The following ENTPD8 variants were observed in gnomAD, a reference collection of about 807,000 sequenced individuals.
ENTPD8 encodes ectonucleoside triphosphate diphosphohydrolase 8, also known as E-NTPDase 8.
In ENTPD8, 35 loss-of-function variants were observed where a neutral mutation model predicts 47.0. The ratio of observed to expected loss-of-function variants is 0.75; its 90% confidence interval spans 0.57 to 0.99. ENTPD8 has a LOEUF of 0.99. Among genes scored for constraint, ENTPD8 ranks in the 50% least tolerant of loss-of-function variants. The probability of loss-of-function intolerance (pLI) is 0.00; values close to 1 mark genes in which losing one functional copy is unlikely to be tolerated. For missense variants in ENTPD8, 668 were observed against 649.9 expected (o/e 1.03, Z -0.30); for synonymous variants, 308 against 290.5 (o/e 1.06, Z -0.61).
chr9:137,435,219 G>C lies in ENTPD8; in HGVS notation c.1281C>G (p.Leu427=), dbSNP rs144921257. The change falls in exon 9 of 10, where the codon CTC becomes CTG. Residue 427 remains leucine (L), a synonymous_variant. Coordinates refer to ENST00000371506, the MANE Select transcript of ENTPD8 (RefSeq NM_001033113.2). ...AGGCAGTCACCTGCTTTCGGAACTC[G>C]AGGCTGGGCCAGGTCTCCTCGCTGA... ...YGFSEETWPS[L]EFRKQAGGVD... 3 of 1,611,478 alleles carry C rather than the reference G, an allele frequency of 1.9e-6. No individual in the cohort carries two copies. Among genetic ancestry groups the C allele is most frequent in the East Asian group, 4.5e-5 (2 of 44,874 alleles).
In ENTPD8 at chr9:137,434,748, A is replaced by C; in HGVS notation, c.*166T>G. On this transcript the variant is annotated 3_prime_UTR_variant, in exon 10 of 10. Transcript: ENST00000371506. ...GGGACGCCGGGAGGGGAGGTCATGC[A>C]GCCTCTGTGGCCAGCACCACCCTGA... 1.1e-6 allele frequency: 1 copy of C among 884,298 alleles called. No individual in the cohort carries two copies. The highest frequency in any genetic ancestry group is 1.7e-6 in the Non-Finnish European group (1 of 602,902). 54.8% of individuals were successfully genotyped at this position (884,298 alleles called of 1,614,324 possible). A position where few individuals can be genotyped will look rare whatever the true frequency, so the allele number is the denominator to read the frequency against.
rs546943049 is a variant in ENTPD8 at position 137,435,007 on chromosome 9, G to A, written c.1395C>T (p.Tyr465=). ...ACACCACTTTGGCCACCCAGACGCC[G>A]TAGCTCTCTGCCCGCCACTGAGCCG... ...DAPAQWRAES[Y]GVWVAKVVFM... Residue 465 remains tyrosine, a synonymous_variant, in exon 10 of 10, where the codon TAC becomes TAT. Coordinates refer to ENST00000371506, the MANE Select transcript of ENTPD8 (RefSeq NM_001033113.2). 2.3e-5 allele frequency: 37 copies of A among 1,611,876 alleles called. No homozygotes were observed. Among genetic ancestry groups the A allele is most frequent in the Non-Finnish European group, 2.5e-5 (30 of 1,179,620 alleles).
chr9:137,437,748 C>G (rs975882751), intron 3 of ENTPD8, among the ~76,000 whole-genome samples: 4 of 144,958 alleles, frequency 2.8e-5, no homozygotes, highest in Non-Finnish European at 5.9e-5. Flanking sequence ...GCTGGGCAGA[C>G]CCAGGCCAGG....
rs144056206 is a variant in ENTPD8 at position 137,436,114 on chromosome 9, C to T, written c.949G>A (p.Val317Ile). Reference protein sequence around the residue: ...VEGTGNPGACVSAIRELFNFS... With the variant: ...VEGTGNPGACISAIRELFNFS... Reference sequence around the variant, plus strand: ...TTGAAAAGTTCCCGGATGGCTGAGACGCAGGCTCCAGGGTTGCCTGTCCCT... The same window carrying T: ...TTGAAAAGTTCCCGGATGGCTGAGATGCAGGCTCCAGGGTTGCCTGTCCCT... The change falls in exon 7 of 10, where the codon GTC becomes ATC. Residue 317 changes from valine (V) to isoleucine (I), a missense_variant. Transcript: ENST00000371506. 779 of 1,612,900 alleles carry T rather than the reference C, an allele frequency of 4.8e-4. No homozygotes were observed. The highest frequency in any genetic ancestry group is 6.1e-4 in the Non-Finnish European group (715 of 1,180,008).
In ENTPD8 at chr9:137,436,045, C is replaced by A. The variant is rs59249347; in HGVS notation, c.1018G>T (p.Val340Phe). The A allele has an allele frequency of 6.2e-7, 1 of 1,612,762 alleles. No homozygotes were observed. The highest frequency in any genetic ancestry group is 2.2e-5 in the East Asian group (1 of 44,900). The change falls in exon 7 of 10, where the codon GTC (valine) becomes TTC (phenylalanine). Residue 340 changes from valine to phenylalanine, a missense_variant. Coordinates refer to ENST00000371506, the MANE Select transcript of ENTPD8 (RefSeq NM_001033113.2). Reference sequence around the variant, plus strand: ...TGGCCCCGCAGCGGGGGCTGGTAGACCCCGTCAAAGGCGCAGTCCTCCTGG... The same window carrying A: ...TGGCCCCGCAGCGGGGGCTGGTAGAACCCGTCAAAGGCGCAGTCCTCCTGG... ...QGQEDCAFDG[V>F]YQPPLRGQFY...
chr9:137,435,147 C>T (rs372533240), intron 9 of ENTPD8, 42 bp from the exon 10 acceptor site: 38 of 1,602,196 alleles, frequency 2.4e-5, no homozygotes, highest in South Asian at 5.5e-5. Context: ...GGCAGCTACC[C>T]CAGGACCACG....
Position 137,437,145 on chromosome 9 carries a change from C to T in ENTPD8, c.395+14G>A. ...AGCCACTCCCCGTGGGTGCCAAGGC[C>T]ATGCCTGCCTCACCTGAGCAACCTC... On this transcript the variant is annotated intron_variant, in intron 4 of 9. Transcript: ENST00000371506. The T allele has an allele frequency of 6.2e-7, 1 of 1,611,512 alleles. No homozygotes were observed. The highest frequency in any genetic ancestry group is 8.5e-7 in the Non-Finnish European group (1 of 1,179,420).
At position 137,438,112 on chromosome 9, in the gene ENTPD8, G is replaced by C. The variant is rs375173244; in HGVS notation, c.127-28C>G. On this transcript the variant is annotated intron_variant, in intron 2 of 9. Transcript: ENST00000371506. This position sits in a 1 kb window ranked among gnomAD's most constrained non-coding sequence, Gnocchi z 5.7. ...GGGGAGACAGTGGGATGAGTGGGAGGCAACACCTGTGGACCCGGCCCGGCC... is the reference window on the plus strand; with the variant it reads ...GGGGAGACAGTGGGATGAGTGGGAGCCAACACCTGTGGACCCGGCCCGGCC... The C allele has an allele frequency of 6.6e-5, 107 of 1,611,734 alleles. No individual in the cohort carries two copies. The highest frequency in any genetic ancestry group is 8.8e-5 in the Non-Finnish European group (104 of 1,179,206).
Position 137,438,308 on chromosome 9 carries a change from G to A in ENTPD8, c.-20-3C>T. On this transcript the variant is annotated splice_region_variant and splice_polypyrimidine_tract_variant and intron_variant, in intron 1 of 9. Coordinates refer to ENST00000371506, the MANE Select transcript of ENTPD8 (RefSeq NM_001033113.2). This position sits in a 1 kb window ranked among gnomAD's most constrained non-coding sequence, Gnocchi z 5.7. ...CATGGTGCAGGTGGTACTGGTTCCT[G>A]TGGGGGGACGGCCGTGGGCACCCAG... The A allele has an allele frequency of 1.3e-6, 2 of 1,529,772 alleles. No homozygotes were observed. The highest frequency in any genetic ancestry group is 2.7e-5 in the African/African-American group (2 of 73,440). 94.8% of individuals were successfully genotyped at this position (1,529,772 alleles called of 1,614,324 possible).
In ENTPD8 at chr9:137,438,073, C is replaced by T; in HGVS notation, c.138G>A (p.Val46=). 1 of 1,612,900 alleles carries T rather than the reference C, an allele frequency of 6.2e-7. No homozygotes were observed. The highest frequency in any genetic ancestry group is 1.7e-5 in the Admixed American group (1 of 59,994). Residue 46 remains valine, a synonymous_variant, in exon 3 of 10, where the codon GTG becomes GTA. Coordinates refer to ENST00000371506, the MANE Select transcript of ENTPD8 (RefSeq NM_001033113.2). The surrounding 1 kb of genome is among the most constrained non-coding windows in gnomAD (Gnocchi z 5.7). ...LLPTDIKFGI[V]FDAGSSHTSL... Reference sequence around the variant, plus strand: ...ACGTGTGGGAGGAGCCCGCATCAAACACGATCCCAAACTGGGGAGACAGTG... The same window carrying T: ...ACGTGTGGGAGGAGCCCGCATCAAATACGATCCCAAACTGGGGAGACAGTG...
rs1434857549 is a variant in ENTPD8 at position 137,438,120 on chromosome 9, T to C, written c.127-36A>G. 3 of 1,610,646 alleles carry C rather than the reference T, an allele frequency of 1.9e-6. No homozygotes were observed. The highest frequency in any genetic ancestry group is 3.3e-5 in the Admixed American group (2 of 59,902). Reference sequence around the variant, plus strand: ...AGTGGGATGAGTGGGAGGCAACACCTGTGGACCCGGCCCGGCCTCCCCTGC... The same window carrying C: ...AGTGGGATGAGTGGGAGGCAACACCCGTGGACCCGGCCCGGCCTCCCCTGC... On this transcript the variant is annotated intron_variant, in intron 2 of 9. Coordinates refer to ENST00000371506, the MANE Select transcript of ENTPD8 (RefSeq NM_001033113.2). The surrounding 1 kb of genome is among the most constrained non-coding windows in gnomAD (Gnocchi z 5.7).
At chr9:137,435,660 A>C in intron 8 of ENTPD8, 59 bp downstream of exon 8, 1 of 1,491,874 alleles carries the variant, frequency 6.7e-7, no homozygotes, top group Non-Finnish European at 9.3e-7. Flanking sequence ...ATCCTGCCCG[A>C]GGCAGCCCTG....
chr9:137,437,925 A>T lies in ENTPD8; in HGVS notation c.244+42T>A, dbSNP rs371503672. 1.1e-4 allele frequency: 175 copies of T among 1,530,458 alleles called. 2 individuals are homozygous for T. The African/African-American group carries it at 2.1e-3, about 18-fold the overall frequency. 94.8% of individuals were successfully genotyped at this position (1,530,458 alleles called of 1,614,324 possible). On this transcript the variant is annotated intron_variant, in intron 3 of 9. Coordinates refer to ENST00000371506, the MANE Select transcript of ENTPD8 (RefSeq NM_001033113.2). ...AGCTGGGAATCCCAGCCAGGCAGCA[A>T]CAGGCAGGTCCCAGCACCGGGCTGC...
intron 3 of ENTPD8, among the ~76,000 whole-genome samples, chr9:137,437,697 G>A (rs1371550965): frequency 6.6e-6 from 1 of 152,204 alleles, no homozygotes; most frequent in African/African-American, 2.4e-5. Context: ...AGGGTGGGGA[G>A]CACCAGGGGC....
Position 137,437,958 on chromosome 9 carries a change from C to T in ENTPD8, c.244+9G>A, listed in dbSNP as rs1159755588. ...GTCCCAGCACCGGGCTGCAGAACAG[C>T]CCACTAACCTTCCACCTGGCAGGCC... On this transcript the variant is annotated intron_variant, in intron 3 of 9. Transcript: ENST00000371506. The T allele has an allele frequency of 6.2e-7, 1 of 1,608,770 alleles. No individual in the cohort carries two copies. The highest frequency in any genetic ancestry group is 1.1e-5 in the South Asian group (1 of 90,828).
In ENTPD8 at chr9:137,438,042, A is replaced by C. The variant is rs1217817066; in HGVS notation, c.169T>G (p.Phe57Val). 8.7e-6 allele frequency: 14 copies of C among 1,613,032 alleles called. No homozygotes were observed. The highest frequency in any genetic ancestry group is 1.2e-5 in the Non-Finnish European group (14 of 1,179,886). Residue 57 changes from phenylalanine (F) to valine (V), a missense_variant, in exon 3 of 10, where the codon TTC becomes GTC. Physicochemically the swap from Phe to Val is conservative, Grantham distance 50 (BLOSUM62 -1). Coordinates refer to ENST00000371506, the MANE Select transcript of ENTPD8 (RefSeq NM_001033113.2). The surrounding 1 kb of genome is among the most constrained non-coding windows in gnomAD (Gnocchi z 5.7). ...FDAGSSHTSL[F>V]LYQWLANKEN... is the part of the protein sequence containing the mutation. ...TTGTTCGCCAGCCACTGATACAGGA[A>C]GAGGGACGTGTGGGAGGAGCCCGCA...
rs748989905 is a variant in ENTPD8 at position 137,437,981 on chromosome 9, G to A, written c.230C>T (p.Ala77Val). 1.9e-5 allele frequency: 30 copies of A among 1,612,338 alleles called. No individual in the cohort carries two copies. The highest frequency in any genetic ancestry group is 2.5e-5 in the Non-Finnish European group (29 of 1,179,692). Residue 77 changes from alanine (A) to valine (V), a missense_variant, in exon 3 of 10, where the codon GCC becomes GTC. Physicochemically the swap from Ala to Val is moderately conservative, Grantham distance 64 (BLOSUM62 0). Coordinates refer to ENST00000371506, the MANE Select transcript of ENTPD8 (RefSeq NM_001033113.2). ...NGTGVVSQAL[A>V]CQVEGPGISS... ...AGCCCACTAACCTTCCACCTGGCAG[G>A]CCAGGGCCTGGCTGACCACACCCGT...
In ENTPD8 at chr9:137,436,176, G is replaced by A. The variant is rs773861886; in HGVS notation, c.887C>T (p.Thr296Met). ...PLYESPCVHATPPLSLPQNLT... is the reference protein window; with the variant it reads ...PLYESPCVHAMPPLSLPQNLT... ...GTTCTGGGGGAGGCTCAGCGGGGGC[G>A]TGGCGTGGACACAGGGTGACTCATA... Residue 296 changes from threonine (T) to methionine (M), a missense_variant, in exon 7 of 10, where the codon ACG (threonine) becomes ATG (methionine). Coordinates refer to ENST00000371506, the MANE Select transcript of ENTPD8 (RefSeq NM_001033113.2). 1.2e-5 allele frequency: 20 copies of A among 1,612,902 alleles called. No individual in the cohort carries two copies. The highest frequency in any genetic ancestry group is 7.7e-5 in the South Asian group (7 of 91,086).
In ENTPD8 at chr9:137,437,284, A is replaced by G. The variant is rs200509175; in HGVS notation, c.270T>C (p.Ser90=). 88 of 1,612,696 alleles carry G rather than the reference A, an allele frequency of 5.5e-5. 3 individuals are homozygous for G. In the South Asian group the frequency reaches 9.0e-4, roughly 16 times the overall value. The change falls in exon 4 of 10, where the codon TCT becomes TCC. Residue 90 remains serine, a synonymous_variant. Coordinates refer to ENST00000371506, the MANE Select transcript of ENTPD8 (RefSeq NM_001033113.2). The part of the protein sequence containing the change: ...VEGPGISSYT[S]NAAQAGESLQ... ...GGCTCTCACCAGCCTGTGCAGCATT[A>G]GAAGTGTAGGAGGAGATTCCAGGCC...
Sources: allele counts gnomAD v4.1 joint callset (sites outside exome capture counted in the v4.1 genomes callset), GRCh38; gene constraint gnomAD v4.1.1; non-coding constraint Gnocchi (gnomAD v3.1); transcripts MANE v1.5; gene names NCBI Gene and HGNC (gene_info 2026-07-23, HGNC 2026-07-21).